The following COL12A1 variants were observed in gnomAD, a reference collection of about 807,000 sequenced individuals.
The protein encoded by COL12A1 is collagen type XII alpha 1 chain.
A neutral mutation model predicts 349.7 loss-of-function variants in COL12A1; 114 were observed. The ratio of observed to expected loss-of-function variants is 0.33; its 90% confidence interval spans 0.28 to 0.38. The LOEUF (loss-of-function observed/expected upper bound fraction) is 0.38. COL12A1 is among the 10% of genes least tolerant of loss of function. The pLI is 1.00. For missense variants in COL12A1, 3,284 were observed against 3,756.9 expected, an observed-to-expected ratio of 0.87 and a Z score of 3.29; for synonymous variants, 1,369 against 1,329.0, an observed-to-expected ratio of 1.03 and a Z score of -0.66.
At chr6:75,191,430 T>C (rs895262985) in intron 5 of COL12A1, among the ~76,000 whole-genome samples, 14 of 151,976 alleles carry the variant, frequency 9.2e-5, no homozygotes, top group African/African-American at 3.1e-4. Flanking sequence ...GCCAAAATCC[T>C]GCAGGAAAGG....
At chr6:75,160,260 G>A (rs1767970834) in intron 14 of COL12A1, among the ~76,000 whole-genome samples, 1 of 152,168 alleles carries the variant, frequency 6.6e-6, no homozygotes, top group Admixed American at 6.6e-5. Context: ...AAGGGCAATA[G>A]AAAGTGTCCC....
At chr6:75,176,887 C>T (rs1768985926) in intron 12 of COL12A1, among the ~76,000 whole-genome samples, 1 of 152,146 alleles carries the variant, frequency 6.6e-6, no homozygotes, top group African/African-American at 2.4e-5. Flanking sequence ...GAATGCCTCA[C>T]TTTTCCCCCA....
At chr6:75,204,697 C>G (rs1770690463) in intron 1 of COL12A1, among the ~76,000 whole-genome samples, 1 of 152,002 alleles carries the variant, frequency 6.6e-6, no homozygotes, top group South Asian at 2.1e-4. Context: ...TAAGTGGACT[C>G]GTCCCCTTCT....
At chr6:75,089,821 T>C (rs1219197669) in intron 63 of COL12A1, among the ~76,000 whole-genome samples, 4 of 152,182 alleles carry the variant, frequency 2.6e-5, no homozygotes, top group Admixed American at 1.3e-4. Flanking sequence ...CAGAGAGTAA[T>C]AAGATTTGGG....
rs1037990939 is a variant in COL12A1 at position 75,132,162 on chromosome 6, C to T, written c.5795-80G>A. The T allele has an allele frequency of 4.1e-6, 6 of 1,480,716 alleles. No homozygotes were observed. In the African/African-American group the frequency reaches 8.3e-5, roughly 21 times the overall value. The allele number at this position is 1,480,716 out of a possible 1,614,324, so 91.7% of individuals were successfully genotyped here. Reference sequence around the variant, plus strand: ...TTTTGTATCACTTTTCCAGAACCTACATTCTGTAACAGGATAAAATGCTAT... The same window carrying T: ...TTTTGTATCACTTTTCCAGAACCTATATTCTGTAACAGGATAAAATGCTAT... On this transcript the variant is annotated intron_variant, in intron 34 of 65. Transcript: ENST00000322507.
chr6:75,121,127 TATTG>T (rs371888802), intron 44 of COL12A1, among the ~76,000 whole-genome samples, 171 bp downstream of exon 44: 1 of 152,232 alleles, frequency 6.6e-6, no homozygotes, highest in Non-Finnish European at 1.5e-5. Flanking sequence ...TTTATTTTTC[TATTG>T]ATTTATCATT....
intron 58 of COL12A1, among the ~76,000 whole-genome samples, chr6:75,101,391 A>G (rs1768294951): frequency 1.3e-5 from 2 of 152,238 alleles, no homozygotes; most frequent in African/African-American, 4.8e-5. Context: ...TAAAATTTCA[A>G]AGACTCCCCT....
intron 12 of COL12A1, 79 bp downstream of exon 12, chr6:75,177,584 T>C: frequency 6.5e-7 from 1 of 1,543,870 alleles, no homozygotes; most frequent in Non-Finnish European, 8.9e-7. Context: ...CATTAGTTTT[T>C]TATCTGGATA....
intron 40 of COL12A1, among the ~76,000 whole-genome samples, chr6:75,124,641 T>A (rs1397597304): frequency 1.3e-5 from 2 of 152,130 alleles, no homozygotes; most frequent in African/African-American, 2.4e-5. Context: ...TGGAAAATAA[T>A]GAAAACAATT....
At chr6:75,172,960 A>G (rs1028973558) in intron 13 of COL12A1, among the ~76,000 whole-genome samples, 3 of 152,208 alleles carry the variant, frequency 2.0e-5, no homozygotes, top group Non-Finnish European at 2.9e-5. Context: ...GGACTTTGGT[A>G]TATGCAGGGG....
intron 13 of COL12A1, among the ~76,000 whole-genome samples, chr6:75,167,295 G>A (rs1244335659): frequency 6.6e-6 from 1 of 151,982 alleles, no homozygotes; most frequent in Non-Finnish European, 1.5e-5. Flanking sequence ...AGTTTTAAAT[G>A]TACAGCACGT....
intron 10 of COL12A1, among the ~76,000 whole-genome samples, chr6:75,181,974 T>C (rs1223285836): frequency 6.6e-6 from 1 of 150,988 alleles, no homozygotes; most frequent in Non-Finnish European, 1.5e-5. Context: ...CACACTCCTG[T>C]AGTTCCAGCT....
At chr6:75,128,225 A>T (rs1766112332) in intron 38 of COL12A1, 71 bp downstream of exon 38, 1 of 1,346,190 alleles carries the variant, frequency 7.4e-7, no homozygotes. Context: ...AGGTTTTAAA[A>T]GGTATAAAAG....
At chr6:75,160,598 G>T (rs1175341928) in intron 14 of COL12A1, among the ~76,000 whole-genome samples, 1 of 152,182 alleles carries the variant, frequency 6.6e-6, no homozygotes, top group Non-Finnish European at 1.5e-5. Context: ...CATTTCAGCA[G>T]TTTTCACATA....
Position 75,165,614 on chromosome 6 carries a change from T to C in COL12A1, c.2876A>G (p.His959Arg). 1 of 1,614,024 alleles carries C rather than the reference T, an allele frequency of 6.2e-7. No individual in the cohort carries two copies. Among genetic ancestry groups the C allele is most frequent in the Non-Finnish European group, 8.5e-7 (1 of 1,179,928 alleles). ...GEKNLPEDAI[H>R]TMIENLQPET... Reference sequence around the variant, plus strand: ...TGGCTGCAGATTTTCTATCATCGTATGAATTGCATCTTCAGGCAGATTTTT... The same window carrying C: ...TGGCTGCAGATTTTCTATCATCGTACGAATTGCATCTTCAGGCAGATTTTT... Residue 959 changes from histidine (H) to arginine (R), a missense_variant, in exon 14 of 66, where the codon CAT becomes CGT. His to Arg is a conservative substitution (Grantham distance 29). Transcript: ENST00000322507.
chr6:75,141,721 A>T (rs1766899648), intron 27 of COL12A1, among the ~76,000 whole-genome samples: 1 of 152,224 alleles, frequency 6.6e-6, no homozygotes, highest in Admixed American at 6.5e-5. Flanking sequence ...AATGTGCAAC[A>T]TACGTCAAGA....
Position 75,154,525 on chromosome 6 carries a change from G to A in COL12A1, c.3456C>T (p.Thr1152=). The change falls in exon 17 of 66, where the codon ACC becomes ACT. Residue 1152 remains threonine, a synonymous_variant. Coordinates refer to ENST00000322507, the MANE Select transcript of COL12A1 (RefSeq NM_004370.6). Reference sequence around the variant, plus strand: ...ACATTCCAAAAACATTTACTTTATAGGTGGTACCAGCCCTAAAATGTTAAA... The same window carrying A: ...ACATTCCAAAAACATTTACTTTATAAGTGGTACCAGCCCTAAAATGTTAAA... ...VVLEELRAGT[T]YKVNVFGMFD... is the part of the protein sequence containing the mutation. The A allele has an allele frequency of 6.2e-7, 1 of 1,610,002 alleles. No homozygotes were observed.
intron 17 of COL12A1, among the ~76,000 whole-genome samples, chr6:75,153,440 A>T (rs1344336915): frequency 6.6e-6 from 1 of 152,160 alleles, no homozygotes; most frequent in Non-Finnish European, 1.5e-5. Context: ...GATTTTGTCC[A>T]CATCCATTTT....
intron 31 of COL12A1, among the ~76,000 whole-genome samples, chr6:75,137,196 T>C (rs777145103): frequency 3.2e-4 from 48 of 152,140 alleles, no homozygotes; most frequent in Non-Finnish European, 6.3e-4. Flanking sequence ...TTGAAGCACA[T>C]GCCTCATGCT....
Sources: allele counts gnomAD v4.1 joint callset (sites outside exome capture counted in the v4.1 genomes callset), GRCh38; gene constraint gnomAD v4.1.1; transcripts MANE v1.5; gene names NCBI Gene and HGNC (gene_info 2026-07-23, HGNC 2026-07-21).